MROH7: variants seen among roughly 807,000 people sequenced by gnomAD.
MROH7 encodes maestro heat like repeat family member 7.
Under a neutral mutation model 129.2 loss-of-function variants are expected in MROH7, and 113 were observed. The ratio of observed to expected loss-of-function variants is 0.87; its 90% CI spans 0.75 to 1.02. The LOEUF is 1.02. MROH7 is among the 50% of genes least tolerant of loss of function. The pLI is 0.00. For synonymous variants in MROH7, 655 were observed against 667.9 expected (o/e 0.98, Z 0.30); for missense variants, 1,601 against 1,671.3 (o/e 0.96, Z 0.73).
At position 54,682,772 on chromosome 1, in the gene MROH7, G is replaced by A. The variant is rs370806223; in HGVS notation, c.2498G>A (p.Arg833Gln). ...GAGAAGCCCGTCACCAAGGAGGGCCGGGCTTCCATCGTGCCCCTGGCGGTG... is the reference window on the plus strand; with the variant it reads ...GAGAAGCCCGTCACCAAGGAGGGCCAGGCTTCCATCGTGCCCCTGGCGGTG... ...LKEKPVTKEG[R>Q]ASIVPLAAAS... The change falls in exon 14 of 24, where the codon CGG (arginine) becomes CAG (glutamine). Residue 833 changes from arginine (R) to glutamine (Q), a missense_variant. Physicochemically the swap from Arg to Gln is conservative, Grantham distance 43. Transcript: ENST00000421030. 48 of 1,613,018 alleles carry A rather than the reference G, an allele frequency of 3.0e-5. No individual in the cohort carries two copies. The highest frequency in any genetic ancestry group is 1.7e-4 in the African/African-American group (13 of 74,934).
At chr1:54,681,061 C>T (rs539514886) in intron 13 of MROH7, among the ~76,000 whole-genome samples, 4 of 152,230 alleles carry the variant, frequency 2.6e-5, no homozygotes, top group East Asian at 3.9e-4. Flanking sequence ...CTCCTCCTTG[C>T]GGGGGTCCTT....
chr1:54,673,091 G>A lies in MROH7; in HGVS notation c.1600G>A (p.Ala534Thr), dbSNP rs911758301. ...GGCTTGGTCCTCCTCCCATCCACAG[G>A]CTCTTTACCATCAGACCCTGGAGGC... ...KDEAKAETIQ[A>T]LYHQTLEALQ... is the part of the protein sequence containing the mutation. The change falls in exon 8 of 24, where the codon GCT becomes ACT. Residue 534 changes from alanine to threonine, a missense_variant and splice_region_variant. Coordinates refer to ENST00000421030, the MANE Select transcript of MROH7 (RefSeq NM_001039464.4). The A allele has an allele frequency of 6.2e-7, 1 of 1,613,094 alleles. No homozygotes were observed. The highest frequency in any genetic ancestry group is 8.5e-7 in the Non-Finnish European group (1 of 1,179,258).
rs764525005 is a variant in MROH7, at chr1:54,701,310, G to A, written c.3273G>A (p.Pro1091=). Residue 1091 remains proline (P), a synonymous_variant, in exon 19 of 24, where the codon CCG becomes CCA. Coordinates refer to ENST00000421030, the MANE Select transcript of MROH7 (RefSeq NM_001039464.4). ...TGGAGATGCTGCAGATCCTGCTGCC[G>A]CACTTCAGCGACGTGAGGACCTCAC... ...VYVEMLQILL[P]HFSDAREVVR... 1.0e-5 allele frequency: 16 copies of A among 1,592,962 alleles called. No homozygotes were observed. Among genetic ancestry groups the A allele is most frequent in the South Asian group, 1.1e-5 (1 of 88,452 alleles).
chr1:54,692,525 T>G lies in MROH7; in HGVS notation c.2813T>G (p.Val938Gly). 1 of 1,610,796 alleles carries G rather than the reference T, an allele frequency of 6.2e-7. No individual in the cohort carries two copies. The highest frequency in any genetic ancestry group is 1.1e-5 in the South Asian group (1 of 90,982). The change falls in exon 16 of 24, where the codon GTG becomes GGG. Residue 938 changes from valine to glycine, a missense_variant. Val to Gly is a moderately radical substitution (Grantham distance 109). Coordinates refer to ENST00000421030, the MANE Select transcript of MROH7 (RefSeq NM_001039464.4). The stretch of plus-strand genomic sequence containing the variant: ...GGTGGCTGGGAGCTCATGGAGCAGG[T>G]GGAGAGCCACCACCGCGGAGTGGCC... ...DQGGWELMEQVESHHRGVALL... is the reference protein window; with the variant it reads ...DQGGWELMEQGESHHRGVALL...
chr1:54,699,159 T>TGTCTGTCTGTCTG lies in MROH7; in HGVS notation c.2965-1162_2965-1161insGTCTGTCTGTCTG, dbSNP rs1293867516. 22 of 65,978 alleles carry TGTCTGTCTGTCTG rather than the reference T, an allele frequency of 3.3e-4. 1 individual carries two copies. Among genetic ancestry groups the TGTCTGTCTGTCTG allele is most frequent in the African/African-American group, 9.6e-4 (17 of 17,688 alleles). 4.1% of individuals were successfully genotyped at this position (65,978 alleles called of 1,614,324 possible). ...CTTTCTTTCTTTCTTTCTTTCTTTCTTTTCTTTCTTTCTTTCTTTCTTTCT... is the reference window on the plus strand; with the variant it reads ...CTTTCTTTCTTTCTTTCTTTCTTTCTGTCTGTCTGTCTGTTTCTTTCTTTCTTTCTTTCTTTCT... On this transcript the variant is annotated intron_variant, in intron 17 of 23. Coordinates refer to ENST00000421030, the MANE Select transcript of MROH7 (RefSeq NM_001039464.4).
intron 17 of MROH7, chr1:54,700,035 T>C (rs2101211318): frequency 1.5e-6 from 1 of 648,002 alleles, no homozygotes; most frequent in East Asian, 2.7e-5. Context: ...GGTGAGGGTG[T>C]GGGCTGGAGG....
At chr1:54,654,501 G>A (rs1037746280) in intron 3 of MROH7, among the ~76,000 whole-genome samples, 6 of 151,918 alleles carry the variant, frequency 3.9e-5, no homozygotes, top group Non-Finnish European at 5.9e-5. Context: ...GTGAAACCCC[G>A]TCTCTACTAA....
rs977510566 is a variant in MROH7, at chr1:54,670,897, G to C, written c.1567G>C (p.Glu523Gln). ...FSLPSVQAMQ[E>Q]KDEAKAETIQ... ...CCTGCCCTCCGTGCAGGCGATGCAG[G>C]AGAAGGACGAGGCCAAGGCTGAGAC... The change falls in exon 7 of 24, where the codon GAG (glutamate) becomes CAG (glutamine). Residue 523 changes from glutamate (E) to glutamine (Q), a missense_variant. Physicochemically the swap from Glu to Gln is conservative, Grantham distance 29. Transcript: ENST00000421030. The C allele has an allele frequency of 6.2e-7, 1 of 1,610,288 alleles. No homozygotes were observed. The highest frequency in any genetic ancestry group is 1.3e-5 in the African/African-American group (1 of 75,020).
At chr1:54,652,703 T>C in intron 2 of MROH7, 150 bp from the exon 3 acceptor site, 2 of 507,158 alleles carry the variant, frequency 3.9e-6, no homozygotes, top group Non-Finnish European at 3.4e-6. Context: ...TGGAGGCAAG[T>C]GGCAAGTGAT....
intron 17 of MROH7, chr1:54,699,159 T>TTTCTTTCTTTCTTTCTTTTCTTTC (rs71048705): frequency 1.1e-4 from 7 of 65,978 alleles, no homozygotes; most frequent in East Asian, 4.8e-4. Context: ...TCTTTCTTTC[T>TTTCTTTCTTTCTTTCTTTTCTTTC]TTTCTTTCTT....
chr1:54,673,327 C>T, intron 8 of MROH7, 141 bp downstream of exon 8: 1 of 664,496 alleles, frequency 1.5e-6, no homozygotes, highest in Non-Finnish European at 2.7e-6. Flanking sequence ...GCCTCCCTGT[C>T]TGTCTCACAG....
Position 54,701,219 on chromosome 1 carries a change from C to A in MROH7, c.3182C>A (p.Ala1061Glu). 4.3e-6 allele frequency: 7 copies of A among 1,614,146 alleles called. No homozygotes were observed. Among genetic ancestry groups the A allele is most frequent in the Non-Finnish European group, 5.9e-6 (7 of 1,179,970 alleles). ...KNMDGMLVVE[A>E]VHNLKAVFKG... ...ATGGATGGGATGCTGGTGGTGGAAG[C>A]GGTCCACAACCTCAAGGCTGTCTTC... Residue 1061 changes from alanine (A) to glutamate (E), a missense_variant, in exon 19 of 24, where the codon GCG becomes GAG. By Grantham distance (107) the Ala-to-Glu change is moderately radical. Transcript: ENST00000421030.
rs186047354 is a variant in MROH7, at chr1:54,687,209, G to T, written c.2711+761G>T. Among the ~76,000 whole-genome samples, 24 of 152,262 alleles carry T rather than the reference G, an allele frequency of 1.6e-4. No individual in the cohort carries two copies. The East Asian group carries it at 4.6e-3, about 29-fold the overall frequency. On this transcript the variant is annotated intron_variant, in intron 15 of 23. Coordinates refer to ENST00000421030, the MANE Select transcript of MROH7 (RefSeq NM_001039464.4). The stretch of plus-strand genomic sequence containing the variant: ...CTACCTCAGCCTCCCGAGTAGCTGG[G>T]ATTACCAGCATCTGCCACCATGCCC...
intron 2 of MROH7, among the ~76,000 whole-genome samples, chr1:54,652,582 G>C (rs1644574264): frequency 6.6e-6 from 1 of 152,240 alleles, no homozygotes; most frequent in Non-Finnish European, 1.5e-5. Flanking sequence ...TTAAGCAAAG[G>C]ATAATGAGAA....
At chr1:54,676,883 A>G (rs528139013) in intron 10 of MROH7, among the ~76,000 whole-genome samples, 21 of 150,326 alleles carry the variant, frequency 1.4e-4, no homozygotes, top group African/African-American at 4.9e-4. Flanking sequence ...TAATTTTTAT[A>G]TTTTTAATAC....
At chr1:54,699,173 T>TTCTGTCTGTCTG (rs1318138035) in intron 17 of MROH7, 3 of 120,200 alleles carry the variant, frequency 2.5e-5, no homozygotes, top group African/African-American at 9.0e-5. Context: ...CTTTCTTTCT[T>TTCTGTCTGTCTG]TCTTTCTTTC....
At chr1:54,662,260 G>A (rs1339602581) in intron 3 of MROH7, among the ~76,000 whole-genome samples, 2 of 151,150 alleles carry the variant, frequency 1.3e-5, no homozygotes, top group Non-Finnish European at 3.0e-5. Context: ...GTTGAGCTGG[G>A]TGTGGTGGCT....
At chr1:54,678,113 C>T (rs767080036) in intron 10 of MROH7, among the ~76,000 whole-genome samples, 4 of 152,216 alleles carry the variant, frequency 2.6e-5, no homozygotes, top group African/African-American at 7.2e-5. Flanking sequence ...GTGGGGTTAC[C>T]GTTGATTTCC....
intron 10 of MROH7, among the ~76,000 whole-genome samples, chr1:54,675,292 G>A (rs1336107942): frequency 6.6e-6 from 1 of 152,162 alleles, no homozygotes; most frequent in Non-Finnish European, 1.5e-5. Flanking sequence ...CATGCTTTTT[G>A]AAAGATTAAG....
Sources: gnomAD v4.1 joint callset for allele counts (sites outside exome capture counted in the v4.1 genomes callset) on GRCh38, gnomAD v4.1.1 for gene constraint, MANE v1.5 for transcripts, NCBI Gene and HGNC (gene_info 2026-07-23, HGNC 2026-07-21) for gene names.